LRCH3: variants seen among roughly 807,000 people sequenced by gnomAD.
The protein encoded by LRCH3 is leucine rich repeats and calponin homology domain containing 3, also known as DISP complex protein LRCH3.
Under a neutral mutation model 104.5 loss-of-function variants are expected in LRCH3, and 68 were observed. That is an observed-to-expected ratio of 0.65 (90% confidence interval 0.54 to 0.80). The LOEUF (loss-of-function observed/expected upper bound fraction) is 0.80. Ranked by LOEUF, LRCH3 falls within the 30% of genes least tolerant of loss-of-function variation. The pLI is 0.00. For missense variants in LRCH3, 951 were observed against 953.9 expected (o/e 1.00, Z 0.04); for synonymous variants, 344 against 361.3 (o/e 0.95, Z 0.54).
intron 19 of LRCH3, among the ~76,000 whole-genome samples, chr3:197,872,638 C>CCTGAGGTCAGG (rs1443840110): frequency 1.3e-5 from 2 of 152,230 alleles, no homozygotes; most frequent in East Asian, 3.8e-4. Flanking sequence ...TGGTGGATCA[C>CCTGAGGTCAGG]CTGAGGTCAG....
At chr3:197,880,129 T>G (rs183766099) in intron 20 of LRCH3, among the ~76,000 whole-genome samples, 115 of 150,964 alleles carry the variant, frequency 7.6e-4, no homozygotes, top group Non-Finnish European at 4.3e-4. Flanking sequence ...GTATTTTTAG[T>G]AAAGACGGGG....
At chr3:197,871,982 G>T (rs1029693548) in intron 19 of LRCH3, among the ~76,000 whole-genome samples, 4 of 152,190 alleles carry the variant, frequency 2.6e-5, no homozygotes, top group Admixed American at 6.5e-5. Flanking sequence ...TATGAACCGT[G>T]TGAAGGACGT....
In LRCH3 at chr3:197,810,636, AT is replaced by A. The variant is rs1733019272; in HGVS notation, c.263-4268del. ...TAGTTATAAATTAAAATTTTACATAATTTTAGAGATTTTTAAGGTACATGTC... is the reference window on the plus strand; with the variant it reads ...TAGTTATAAATTAAAATTTTACATAATTTAGAGATTTTTAAGGTACATGTC... On this transcript the variant is annotated intron_variant, in intron 1 of 20. Coordinates refer to ENST00000425562, the MANE Select transcript of LRCH3 (RefSeq NM_001365715.1). This position sits in a 1 kb window ranked among gnomAD's most constrained non-coding sequence, Gnocchi z 4.0. Among the ~76,000 whole-genome samples, 2 of 152,078 alleles carry A rather than the reference AT, an allele frequency of 1.3e-5. No homozygotes were observed. Among genetic ancestry groups the A allele is most frequent in the African/African-American group, 2.4e-5 (1 of 41,408 alleles).
At chr3:197,794,553 A>C (rs1332312246) in intron 1 of LRCH3, among the ~76,000 whole-genome samples, 1 of 152,238 alleles carries the variant, frequency 6.6e-6, no homozygotes, top group Non-Finnish European at 1.5e-5. Context: ...GTTGCCTTGC[A>C]TACTGTTTTT....
At chr3:197,874,690 A>C (rs867728870) in intron 19 of LRCH3, among the ~76,000 whole-genome samples, 13 of 151,554 alleles carry the variant, frequency 8.6e-5, no homozygotes, top group Non-Finnish European at 2.9e-5. Flanking sequence ...TTAGTGTTAC[A>C]CTGTTTTAAA....
At chr3:197,797,893 A>ACAAAAAAAAC (rs1332838636) in intron 1 of LRCH3, among the ~76,000 whole-genome samples, 42 of 146,812 alleles carry the variant, frequency 2.9e-4, no homozygotes, top group African/African-American at 1.0e-3. Flanking sequence ...CAAAAAAAAA[A>ACAAAAAAAAC]ACAAAACCAG....
intron 12 of LRCH3, chr3:197,850,792 T>C (rs1175439837): frequency 3.3e-6 from 4 of 1,230,404 alleles, no homozygotes; most frequent in East Asian, 2.3e-5. Flanking sequence ...ACACGCTGTT[T>C]CTGTAAAGTG....
At chr3:197,840,470 A>AAAAGAAT (rs1433220171) in intron 10 of LRCH3, among the ~76,000 whole-genome samples, 1 of 151,558 alleles carries the variant, frequency 6.6e-6, no homozygotes, top group African/African-American at 2.4e-5. Context: ...AAAACCAAAA[A>AAAAGAAT]AAGAATATTT....
chr3:197,874,507 A>G (rs969777676), intron 19 of LRCH3, among the ~76,000 whole-genome samples: 1 of 152,150 alleles, frequency 6.6e-6, no homozygotes. Context: ...AGATTTCATT[A>G]TGTATGATTA....
chr3:197,810,387 AGG>A lies in LRCH3; in HGVS notation c.263-4520_263-4519del, dbSNP rs1480411081. On this transcript the variant is annotated intron_variant, in intron 1 of 20. Coordinates refer to ENST00000425562, the MANE Select transcript of LRCH3 (RefSeq NM_001365715.1). The surrounding 1 kb of genome is among the most constrained non-coding windows in gnomAD (Gnocchi z 4.0). ...AGGCTGGTCTCGAACTGCTGACCTT[AGG>A]TGATTCACCAGCCTCTGCCTCTGGA... Among the ~76,000 whole-genome samples, 1 of 152,118 alleles carries A rather than the reference AGG, an allele frequency of 6.6e-6. No homozygotes were observed. The highest frequency in any genetic ancestry group is 1.5e-5 in the Non-Finnish European group (1 of 68,024).
chr3:197,828,603 C>T (rs1735516209), intron 5 of LRCH3, among the ~76,000 whole-genome samples: 1 of 152,038 alleles, frequency 6.6e-6, no homozygotes, highest in East Asian at 1.9e-4. Flanking sequence ...CCTCGGCCTC[C>T]CAAAGTGCTG....
chr3:197,859,032 CTATT>C, intron 15 of LRCH3, 127 bp downstream of exon 15: 1 of 733,020 alleles, frequency 1.4e-6, no homozygotes, highest in Non-Finnish European at 2.4e-6. Context: ...GTTTATGGAA[CTATT>C]TGTTTAACAT....
In LRCH3 at chr3:197,887,414, G is replaced by C. The variant is rs1217924647; in HGVS notation, c.*3748G>C. On this transcript the variant is annotated 3_prime_UTR_variant, in exon 21 of 21. Transcript: ENST00000425562. ...GGCAGCTGAGAGCTCCCCCAGCAGA[G>C]CCCTTCCCATCACTGAACAGTGTTG... 7.3e-6 allele frequency: 1 copy of C among 137,788 alleles called. No homozygotes were observed. Among genetic ancestry groups the C allele is most frequent in the Non-Finnish European group, 1.5e-5 (1 of 65,814 alleles). The allele number at this position is 137,788 out of a possible 1,614,324, so 8.5% of individuals were successfully genotyped here.
intron 19 of LRCH3, among the ~76,000 whole-genome samples, chr3:197,874,649 C>T (rs1041042228): frequency 1.3e-5 from 2 of 152,132 alleles, no homozygotes; most frequent in African/African-American, 2.4e-5. Context: ...GAAACCAGTC[C>T]CTGGTGCCAA....
chr3:197,883,352 AAGTGAC>A lies in LRCH3; in HGVS notation c.2209-183_2209-178del. The A allele has an allele frequency of 7.2e-7, 1 of 1,388,738 alleles. No individual in the cohort carries two copies. Among genetic ancestry groups the A allele is most frequent in the South Asian group, 1.6e-5 (1 of 61,656 alleles). 86.0% of individuals were successfully genotyped at this position (1,388,738 alleles called of 1,614,324 possible). A position where few individuals can be genotyped will look rare whatever the true frequency, so the allele number is the denominator to read the frequency against. On this transcript the variant is annotated intron_variant, in intron 20 of 20. Coordinates refer to ENST00000425562, the MANE Select transcript of LRCH3 (RefSeq NM_001365715.1). This position sits in a 1 kb window ranked among gnomAD's most constrained non-coding sequence, Gnocchi z 4.2. ...GTATGTACTTTTAGTTGTATTAATA[AAGTGAC>A]AGTGAGTGTCAGACACCATCTCTCT...
At chr3:197,879,986 C>G (rs9682316) in intron 20 of LRCH3, among the ~76,000 whole-genome samples, 7 of 150,256 alleles carry the variant, frequency 4.7e-5, no homozygotes, top group African/African-American at 4.9e-5. Context: ...CGCTCTGTCA[C>G]CCAGGCTGGA....
intron 5 of LRCH3, 40 bp from the exon 6 acceptor site, chr3:197,829,524 A>T (rs769355775): frequency 5.3e-5 from 70 of 1,316,008 alleles, no homozygotes; most frequent in Non-Finnish European, 7.4e-5. Context: ...CATACTTCAG[A>T]TGAGTAATAA....
chr3:197,822,566 ATTT>A, intron 4 of LRCH3, among the ~76,000 whole-genome samples: 1 of 152,266 alleles, frequency 6.6e-6, no homozygotes, highest in South Asian at 2.1e-4. Context: ...AATAGTTTCA[ATTT>A]TTTTAACAGT....
chr3:197,815,994 G>A (rs1217711379), intron 2 of LRCH3, among the ~76,000 whole-genome samples: 1 of 152,100 alleles, frequency 6.6e-6, no homozygotes, highest in African/African-American at 2.4e-5. Context: ...TTGTTGTACA[G>A]TTTATATACT....
Sources: allele counts gnomAD v4.1 joint callset (sites outside exome capture counted in the v4.1 genomes callset), GRCh38; gene constraint gnomAD v4.1.1; non-coding constraint Gnocchi (gnomAD v3.1); transcripts MANE v1.5; gene names NCBI Gene and HGNC (gene_info 2026-07-23, HGNC 2026-07-21).